PVT1: variants seen among roughly 807,000 people sequenced by gnomAD.
PVT1 encodes CXCR4/PVT1 fusion.
At chr8:127,925,260 A>T (rs567974863) in intron 3 of PVT1, among the ~76,000 whole-genome samples, 26 of 152,374 alleles carry the variant, frequency 1.7e-4, no homozygotes, top group African/African-American at 5.5e-4. Flanking sequence ...TTGCATTTTT[A>T]AAAATCTACT....
intron 2 of PVT1, among the ~76,000 whole-genome samples, chr8:127,836,328 A>G (rs1448225950): frequency 4.6e-5 from 7 of 152,202 alleles, no homozygotes; most frequent in Non-Finnish European, 8.8e-5. Context: ...ATTCCGAGGT[A>G]CATGTGCAGG....
chr8:128,100,589 T>C lies in PVT1; in HGVS notation n.1251+3935T>C, dbSNP rs1048791890. Among the ~76,000 whole-genome samples, 3 of 152,194 alleles carry C rather than the reference T, an allele frequency of 2.0e-5. No homozygotes were observed. The South Asian group carries it at 6.2e-4, about 32-fold the overall frequency. On this transcript the variant is annotated intron_variant and non_coding_transcript_variant, in intron 6 of 10. Coordinates refer to ENST00000651587, the Ensembl canonical transcript of PVT1. ...AAAGGCCTTGAGATGGGGAAGGCTA[T>C]GGTTTAGATGAGGAACTTCAGTTGG...
intron 2 of PVT1, among the ~76,000 whole-genome samples, chr8:127,799,744 G>A (rs1586384724): frequency 6.6e-6 from 1 of 152,186 alleles, no homozygotes; most frequent in African/African-American, 2.4e-5. Flanking sequence ...TCATAAGTGA[G>A]CACACAGTAA....
intron 3 of PVT1, chr8:127,948,247 A>C (rs974426771): frequency 9.9e-5 from 30 of 304,206 alleles, no homozygotes; most frequent in Non-Finnish European, 4.5e-5. Context: ...TGAGTGGTGG[A>C]GCACAGAGGT....
At position 128,036,243 on chromosome 8, in the gene PVT1, A is replaced by G. The variant is rs566069211; in HGVS notation, n.913-33917A>G. 1.1e-4 allele frequency among the ~76,000 whole-genome samples: 17 copies of G among 152,348 alleles called. No homozygotes were observed. In the East Asian group the frequency reaches 2.7e-3, roughly 24 times the overall value. On this transcript the variant is annotated intron_variant and non_coding_transcript_variant, in intron 4 of 10. Transcript: ENST00000651587. ...TTTGTCTGTCATCTGATGTAACATC[A>G]TGATGTAAAATAAGGGTAATAGTGA... is the stretch of plus-strand genomic sequence containing the variant.
intron 4 of PVT1, among the ~76,000 whole-genome samples, chr8:128,024,329 G>A (rs1586486158): frequency 6.6e-6 from 1 of 152,310 alleles, no homozygotes; most frequent in East Asian, 1.9e-4. Context: ...TGCTTGTGGA[G>A]GGCTGTCATA....
intron 3 of PVT1, among the ~76,000 whole-genome samples, chr8:127,988,999 G>A (rs929878860): frequency 1.3e-5 from 2 of 152,186 alleles, no homozygotes; most frequent in Non-Finnish European, 2.9e-5. Flanking sequence ...CACAGTGCTT[G>A]CCACATAAGC....
At chr8:128,061,559 TA>T (rs1195470247) in intron 4 of PVT1, among the ~76,000 whole-genome samples, 6 of 152,220 alleles carry the variant, frequency 3.9e-5, no homozygotes. Context: ...ACTCTATGTA[TA>T]ACCTTTTGAG....
chr8:127,976,980 C>G (rs544599913), intron 3 of PVT1, among the ~76,000 whole-genome samples: 27 of 152,172 alleles, frequency 1.8e-4, no homozygotes, highest in Admixed American at 5.9e-4. Flanking sequence ...GTTTTAGGTG[C>G]TCCCAGATCC....
At chr8:127,822,498 A>G (rs1814744696) in intron 2 of PVT1, among the ~76,000 whole-genome samples, 1 of 152,136 alleles carries the variant, frequency 6.6e-6, no homozygotes, top group Admixed American at 6.5e-5. Flanking sequence ...AATTGCTTGA[A>G]CCTGGGAGGT....
At chr8:128,061,782 G>A (rs1175234220) in intron 4 of PVT1, among the ~76,000 whole-genome samples, 1 of 152,184 alleles carries the variant, frequency 6.6e-6, no homozygotes, top group Non-Finnish European at 1.5e-5. Flanking sequence ...AAAGGGAAAT[G>A]TTCTGTGTCT....
At chr8:128,057,159 T>C (rs1444099250) in intron 4 of PVT1, among the ~76,000 whole-genome samples, 6 of 152,216 alleles carry the variant, frequency 3.9e-5, no homozygotes, top group African/African-American at 4.8e-5. Flanking sequence ...TTCTGGGTGA[T>C]ATGACCTCAT....
intron 2 of PVT1, among the ~76,000 whole-genome samples, chr8:127,838,160 G>A (rs947734619): frequency 6.6e-6 from 1 of 151,954 alleles, no homozygotes; most frequent in African/African-American, 2.4e-5. Context: ...GCCTCCCAAA[G>A]TGCTGGAATT....
intron 3 of PVT1, among the ~76,000 whole-genome samples, chr8:127,920,772 A>T (rs1404665843): frequency 6.6e-6 from 1 of 152,236 alleles, no homozygotes; most frequent in African/African-American, 2.4e-5. Flanking sequence ...AAAAATTGTC[A>T]CCAAATAACT....
chr8:128,039,996 C>T (rs73710122), intron 4 of PVT1, among the ~76,000 whole-genome samples: 1,787 of 152,246 alleles, frequency 0.012, 43 homozygotes, highest in African/African-American at 0.04. Context: ...TGGGCCAATC[C>T]TCAGGGTGAG....
chr8:127,999,653 G>T (rs1817152304), intron 4 of PVT1, among the ~76,000 whole-genome samples: 1 of 152,080 alleles, frequency 6.6e-6, no homozygotes, highest in Admixed American at 6.6e-5. Context: ...GTAGAAACGG[G>T]GTTTCACCAT....
intron 2 of PVT1, among the ~76,000 whole-genome samples, chr8:127,813,756 T>C (rs559462872): frequency 6.0e-4 from 91 of 152,288 alleles, no homozygotes; most frequent in African/African-American, 2.0e-3. Context: ...AACAAAAACA[T>C]GGTCACCCTC....
chr8:128,000,699 C>G (rs942062552), intron 4 of PVT1, among the ~76,000 whole-genome samples: 8 of 152,228 alleles, frequency 5.3e-5, no homozygotes, highest in African/African-American at 1.7e-4. Flanking sequence ...GGCAGCAGGA[C>G]TTTGTCCCAT....
chr8:127,928,649 A>G (rs570991800), intron 3 of PVT1, among the ~76,000 whole-genome samples: 22 of 152,306 alleles, frequency 1.4e-4, no homozygotes, highest in African/African-American at 4.3e-4. Flanking sequence ...GCGGTGAGTA[A>G]GGGGGTGGCA....
Sources: allele counts gnomAD v4.1 joint callset (sites outside exome capture counted in the v4.1 genomes callset), GRCh38; gene constraint gnomAD v4.1.1; transcripts MANE v1.5; gene names NCBI Gene and HGNC (gene_info 2026-07-23, HGNC 2026-07-21).